Variants in AGMO observed in about 807,000 individuals in gnomAD.
AGMO encodes the protein glyceryl-ether monooxygenase.
In AGMO, 75 loss-of-function variants were observed where a neutral mutation model predicts 60.2. The observed-to-expected ratio is 1.25, with a 90% CI of 1.03 to 1.51. The LOEUF (loss-of-function observed/expected upper bound fraction) is 1.51. Ranked by LOEUF, AGMO falls within the 40% of genes most tolerant of loss-of-function variation. AGMO has a pLI of 0.00. For missense variants in AGMO, 763 were observed against 525.5 expected (o/e 1.45, Z -4.42); for synonymous variants, 261 against 177.1 (o/e 1.47, Z -3.76).
At chr7:15,154,203 A>G in the AGMO span, among the ~76,000 whole-genome samples, 1 of 152,214 alleles carries the variant, frequency 6.6e-6, no homozygotes, top group African/African-American at 2.4e-5. Flanking sequence ...AAATTAATGT[A>G]CACAAATTAG....
intron 3 of AGMO, among the ~76,000 whole-genome samples, chr7:15,499,186 A>G (rs1407002036): frequency 6.6e-6 from 1 of 151,874 alleles, no homozygotes. Flanking sequence ...GTCTAGAAGT[A>G]AGCTTAAGAG....
intron 12 of AGMO, among the ~76,000 whole-genome samples, chr7:15,253,380 G>C (rs572237964): frequency 6.7e-6 from 1 of 150,138 alleles, no homozygotes; most frequent in African/African-American, 2.5e-5. Flanking sequence ...AAGACTATCA[G>C]CTAAAAATGA....
chr7:15,215,448 G>C (rs1182684876), intron 12 of AGMO, among the ~76,000 whole-genome samples: 1 of 151,762 alleles, frequency 6.6e-6, no homozygotes, highest in East Asian at 1.9e-4. Flanking sequence ...TTGTACACCG[G>C]AATTCTCCCC....
At chr7:15,150,240 C>T in the AGMO span, among the ~76,000 whole-genome samples, 1 of 152,046 alleles carries the variant, frequency 6.6e-6, no homozygotes, top group Non-Finnish European at 1.5e-5. Context: ...AGAGTCATAT[C>T]ATCTGTGAAG....
the AGMO span, among the ~76,000 whole-genome samples, chr7:15,140,813 T>C: frequency 1.3e-5 from 2 of 152,204 alleles, no homozygotes; most frequent in African/African-American, 2.4e-5. Flanking sequence ...ACCTAAACAT[T>C]TTGCATATGT....
chr7:15,149,713 C>G, the AGMO span, among the ~76,000 whole-genome samples: 1 of 151,966 alleles, frequency 6.6e-6, no homozygotes, highest in African/African-American at 2.4e-5. Context: ...TTGGTTATTA[C>G]AGCCTTGTAG....
the AGMO span, among the ~76,000 whole-genome samples, chr7:15,118,658 T>A: frequency 6.6e-6 from 1 of 152,130 alleles, no homozygotes; most frequent in East Asian, 1.9e-4. Flanking sequence ...AAGTGATGAG[T>A]ATAATTTGCC....
intron 4 of AGMO, among the ~76,000 whole-genome samples, chr7:15,424,279 C>G (rs893123344): frequency 5.9e-5 from 9 of 151,946 alleles, no homozygotes; most frequent in African/African-American, 1.7e-4. Flanking sequence ...CTTTATATCC[C>G]CAATCTCTGC....
chr7:15,396,071 C>T (rs1330317179), intron 5 of AGMO: 2 of 152,236 alleles, frequency 1.3e-5, no homozygotes, highest in Admixed American at 6.5e-5. Flanking sequence ...GTCTCTCTCC[C>T]TGTTGCCCAG....
chr7:15,398,297 T>G (rs1487955366), intron 5 of AGMO, among the ~76,000 whole-genome samples: 2 of 152,182 alleles, frequency 1.3e-5, no homozygotes, highest in Non-Finnish European at 2.9e-5. Flanking sequence ...TCAAGCTCTT[T>G]ATTGCGGTGA....
chr7:15,518,460 C>A (rs949080593), intron 3 of AGMO, among the ~76,000 whole-genome samples: 5 of 152,188 alleles, frequency 3.3e-5, no homozygotes, highest in African/African-American at 1.2e-4. Context: ...TGGGACAGAG[C>A]TTCCAGAGGA....
chr7:15,255,203 T>C (rs897646494), intron 12 of AGMO, among the ~76,000 whole-genome samples: 3 of 151,978 alleles, frequency 2.0e-5, no homozygotes, highest in Admixed American at 2.0e-4. Flanking sequence ...CATTGGAGCC[T>C]GTCCGGGGAG....
At chr7:15,557,405 G>C (rs548631655) in intron 2 of AGMO, among the ~76,000 whole-genome samples, 2 of 152,010 alleles carry the variant, frequency 1.3e-5, no homozygotes, top group Non-Finnish European at 2.9e-5. Context: ...GAGAGGATCC[G>C]ATCATTGCCG....
intron 12 of AGMO, among the ~76,000 whole-genome samples, chr7:15,252,619 C>G (rs1342430917): frequency 6.6e-6 from 1 of 152,186 alleles, no homozygotes; most frequent in Non-Finnish European, 1.5e-5. Flanking sequence ...CATCCCCAGT[C>G]AAGCCTCAGA....
At chr7:15,531,889 G>T (rs992132742) in intron 3 of AGMO, among the ~76,000 whole-genome samples, 1 of 151,474 alleles carries the variant, frequency 6.6e-6, no homozygotes, top group South Asian at 2.1e-4. Flanking sequence ...AGCTGGTCTC[G>T]AACTCTTGAC....
rs550924417 is a variant in AGMO at position 15,352,121 on chromosome 7, T to G, written c.1263+13393A>C. Among the ~76,000 whole-genome samples, 3 of 152,274 alleles carry G rather than the reference T, an allele frequency of 2.0e-5. No individual in the cohort carries two copies. The South Asian group carries it at 6.2e-4, about 32-fold the overall frequency. ...ACCATTAAGCTATAGCAAGAAGACCTCTATTTCCAGTATTTAGAACCATTT... is the reference window on the plus strand; with the variant it reads ...ACCATTAAGCTATAGCAAGAAGACCGCTATTTCCAGTATTTAGAACCATTT... On this transcript the variant is annotated intron_variant, in intron 12 of 12. Coordinates refer to ENST00000342526, the MANE Select transcript of AGMO (RefSeq NM_001004320.2).
chr7:15,371,352 C>G (rs1212746150), intron 10 of AGMO, among the ~76,000 whole-genome samples: 1 of 151,128 alleles, frequency 6.6e-6, no homozygotes, highest in African/African-American at 2.4e-5. Flanking sequence ...CCAGAGGTAG[C>G]TGGGACTACA....
intron 3 of AGMO, among the ~76,000 whole-genome samples, chr7:15,500,727 T>C (rs564217803): frequency 1.3e-4 from 20 of 151,974 alleles, no homozygotes; most frequent in African/African-American, 4.8e-4. Context: ...TGTCTTCTGA[T>C]AGCTTTGGGG....
chr7:15,260,974 T>C (rs1273407183), intron 12 of AGMO, among the ~76,000 whole-genome samples: 1 of 152,004 alleles, frequency 6.6e-6, no homozygotes, highest in Non-Finnish European at 1.5e-5. Context: ...TGAATGATAA[T>C]AGTGACAAAA....
Sources: gnomAD v4.1 joint callset for allele counts (sites outside exome capture counted in the v4.1 genomes callset) on GRCh38, gnomAD v4.1.1 for gene constraint, MANE v1.5 for transcripts, NCBI Gene and HGNC (gene_info 2026-07-23, HGNC 2026-07-21) for gene names.